The following MBP variants were observed in gnomAD, a reference collection of about 807,000 sequenced individuals.
MBP encodes Golli-MBP.
Under a neutral mutation model 35.8 loss-of-function variants are expected in MBP, and 16 were observed. That is an observed-to-expected ratio of 0.45 (90% confidence interval 0.30 to 0.68). The LOEUF (loss-of-function observed/expected upper bound fraction) is 0.68, where lower values mean the gene tolerates loss of function less well. Ranked by LOEUF, MBP falls within the 30% of genes least tolerant of loss-of-function variation. MBP has a pLI of 0.08. For missense variants in MBP, 380 were observed against 404.7 expected, an observed-to-expected ratio of 0.94 and a Z score of 0.52; for synonymous variants, 143 against 159.6, an observed-to-expected ratio of 0.90 and a Z score of 0.78.
rs1971661308 is a variant in MBP, at chr18:77,016,711, A to G, written c.576+121T>C. On this transcript the variant is annotated intron_variant, in intron 4 of 8. Transcript: ENST00000355994. ...GCTCATATGCATTCTCCAGCACGGA[A>G]CGAGACCTTAGACAGCAAGAGGCTA... 23 of 1,477,572 alleles carry G rather than the reference A, an allele frequency of 1.6e-5. No individual in the cohort carries two copies. The Middle Eastern group carries it at 7.4e-4, about 48-fold the overall frequency. The allele number at this position is 1,477,572 out of a possible 1,614,324, so 91.5% of individuals were successfully genotyped here.
chr18:77,133,149 C>A (rs2145294248), upstream of MBP, among the ~76,000 whole-genome samples: 1 of 152,310 alleles, frequency 6.6e-6, no homozygotes, highest in South Asian at 2.1e-4. Flanking sequence ...CTCCCCGCGT[C>A]CTCAGGGGCT....
rs17026 is a variant in MBP at position 76,979,023 on chromosome 18, T to C, written c.*1404A>G. 0.3 allele frequency: 46,062 copies of C among 151,932 alleles called. 7,115 individuals carry two copies. Among genetic ancestry groups the C allele is most frequent in the Admixed American group, 0.34 (5,260 of 15,272 alleles). The allele number at this position is 151,932 out of a possible 1,614,324, so 9.4% of individuals were successfully genotyped here. Reference sequence around the variant, plus strand: ...TGTCTGGAGTTTTGTTCTTTGTAACTCTCTCATCATCGAGGCTATATATTA... The same window carrying C: ...TGTCTGGAGTTTTGTTCTTTGTAACCCTCTCATCATCGAGGCTATATATTA... On this transcript the variant is annotated 3_prime_UTR_variant, in exon 9 of 9. Transcript: ENST00000355994.
At chr18:77,029,425 GGGGAGA>G (rs1175310876) in intron 3 of MBP, among the ~76,000 whole-genome samples, 422 of 124,516 alleles carry the variant, frequency 3.4e-3, no homozygotes, top group African/African-American at 8.2e-3. Flanking sequence ...GGGAGACCGT[GGGGAGA>G]GGGAGAGGGA....
chr18:77,055,024 C>T (rs1973665610), intron 3 of MBP, among the ~76,000 whole-genome samples: 1 of 152,222 alleles, frequency 6.6e-6, no homozygotes, highest in African/African-American at 2.4e-5. Flanking sequence ...TAAAGGTATG[C>T]AAACCATGGG....
chr18:77,056,014 C>T lies in MBP; in HGVS notation c.139+10284G>A, dbSNP rs1000440464. 3.3e-5 allele frequency among the ~76,000 whole-genome samples: 5 copies of T among 152,260 alleles called. No homozygotes were observed. In the East Asian group the frequency reaches 7.7e-4, roughly 23 times the overall value. On this transcript the variant is annotated intron_variant, in intron 3 of 8. Transcript: ENST00000355994. ...ACATCCCTGTGGCTCTGTGGTGTCACGGCTGAGCGTGCTGCGCTCCACTGA... is the reference window on the plus strand; with the variant it reads ...ACATCCCTGTGGCTCTGTGGTGTCATGGCTGAGCGTGCTGCGCTCCACTGA...
intron 7 of MBP, chr18:76,986,680 C>T (rs952987265): frequency 7.1e-6 from 7 of 985,518 alleles, no homozygotes; most frequent in Non-Finnish European, 8.4e-6. Context: ...CAGGTTCATG[C>T]TCACTCCCTG....
intron 1 of MBP, among the ~76,000 whole-genome samples, chr18:77,129,088 C>G (rs968946534): frequency 2.6e-5 from 4 of 152,126 alleles, no homozygotes; most frequent in Admixed American, 6.5e-5. Context: ...TCTCATTAGT[C>G]TCATATTTTA....
At chr18:77,009,193 TCCC>T in intron 4 of MBP, among the ~76,000 whole-genome samples, 1 of 152,174 alleles carries the variant, frequency 6.6e-6, no homozygotes. Context: ...TCTGGGCTTG[TCCC>T]CTTCCCCTTC....
At chr18:77,046,832 C>G (rs1973278651) in intron 3 of MBP, among the ~76,000 whole-genome samples, 1 of 152,188 alleles carries the variant, frequency 6.6e-6, no homozygotes, top group South Asian at 2.1e-4. Context: ...TAAGTACTGG[C>G]TTAGAGGAAT....
chr18:76,986,317 T>G, intron 7 of MBP: 1 of 985,534 alleles, frequency 1.0e-6, no homozygotes, highest in South Asian at 4.7e-5. Flanking sequence ...CCTGCAGCCT[T>G]TCTTCCATTT....
chr18:77,064,820 G>A (rs1974127125), intron 3 of MBP, among the ~76,000 whole-genome samples: 2 of 152,210 alleles, frequency 1.3e-5, no homozygotes, highest in African/African-American at 4.8e-5. Context: ...TGGGGAAAGG[G>A]ATGCGTATTT....
chr18:77,009,396 T>G (rs1568285049), intron 4 of MBP, among the ~76,000 whole-genome samples: 1 of 152,206 alleles, frequency 6.6e-6, no homozygotes, highest in Non-Finnish European at 1.5e-5. Flanking sequence ...CGTTTAGAGC[T>G]CAATTCAACC....
intron 4 of MBP, among the ~76,000 whole-genome samples, chr18:77,012,402 C>T (rs1156353441): frequency 3.9e-5 from 6 of 152,148 alleles, no homozygotes; most frequent in East Asian, 1.9e-4. Context: ...CTAACATTTG[C>T]GGGATGATGC....
At chr18:77,112,163 G>A (rs1454970050) in intron 1 of MBP, among the ~76,000 whole-genome samples, 1 of 48,774 alleles carries the variant, frequency 2.1e-5, no homozygotes, top group Non-Finnish European at 5.7e-5. Context: ...TGAACACCGT[G>A]CACACGCACA....
intron 4 of MBP, among the ~76,000 whole-genome samples, chr18:76,996,745 G>A (rs1970292035): frequency 6.6e-6 from 1 of 152,112 alleles, no homozygotes; most frequent in African/African-American, 2.4e-5. Context: ...CGAGGGAGGG[G>A]GACGTGGGAG....
intron 3 of MBP, among the ~76,000 whole-genome samples, chr18:77,033,364 A>G (rs1471344022): frequency 2.6e-5 from 4 of 152,060 alleles, no homozygotes; most frequent in Admixed American, 2.6e-4. Context: ...CATTTGCAAA[A>G]CTGATATAAC....
chr18:77,067,580 G>A (rs1402797086), intron 2 of MBP, among the ~76,000 whole-genome samples: 1 of 152,170 alleles, frequency 6.6e-6, no homozygotes, highest in Admixed American at 6.5e-5. Flanking sequence ...GAGTATTTCT[G>A]GAGGAGGAAT....
chr18:77,098,910 AC>A (rs969442730), intron 2 of MBP, among the ~76,000 whole-genome samples: 8 of 147,674 alleles, frequency 5.4e-5, no homozygotes, highest in South Asian at 4.3e-4. Context: ...CTGACCCACT[AC>A]CCCCTCCCCT....
chr18:77,035,608 T>G (rs569494620), intron 3 of MBP, among the ~76,000 whole-genome samples: 131 of 152,276 alleles, frequency 8.6e-4, no homozygotes, highest in African/African-American at 3.0e-3. Context: ...ACACAGCCCC[T>G]GCAGACGACG....
Sources: gnomAD v4.1 joint callset for allele counts (sites outside exome capture counted in the v4.1 genomes callset) on GRCh38, gnomAD v4.1.1 for gene constraint, MANE v1.5 for transcripts, NCBI Gene and HGNC (gene_info 2026-07-23, HGNC 2026-07-21) for gene names.